The following TNFSF13B variants were observed in gnomAD, a reference collection of about 807,000 sequenced individuals.
TNFSF13B encodes TNF superfamily member 13b.
In TNFSF13B, 8 loss-of-function variants were observed where a neutral mutation model predicts 29.1. That is an observed-to-expected ratio of 0.27 (90% CI 0.16 to 0.50). The LOEUF (loss-of-function observed/expected upper bound fraction) is 0.50, where lower values mean the gene tolerates loss of function less well. TNFSF13B is among the 20% of genes least tolerant of loss of function. The probability of loss-of-function intolerance (pLI) is 0.98; values close to 1 mark genes in which losing one functional copy is unlikely to be tolerated. For synonymous variants in TNFSF13B, 125 were observed against 130.8 expected, an observed-to-expected ratio of 0.96 and a Z score of 0.30; for missense variants, 248 against 334.9, an observed-to-expected ratio of 0.74 and a Z score of 2.03.
chr13:108,286,966 A>G lies in TNFSF13B; in HGVS notation c.481+107A>G, dbSNP rs547672147. 5.3e-4 allele frequency: 332 copies of G among 623,164 alleles called. 5 individuals are homozygous for G. Among genetic ancestry groups the G allele is most frequent in the South Asian group, 3.1e-3 (158 of 51,286 alleles). 38.6% of individuals were successfully genotyped at this position (623,164 alleles called of 1,614,324 possible). ...CGCTATGGAATACTATGCAGCCATA[A>G]AAAATGATGAGTTCATGTCCTTTGT... On this transcript the variant is annotated intron_variant, in intron 3 of 5. Transcript: ENST00000375887.
At chr13:108,301,575 T>C (rs543054064) in intron 3 of TNFSF13B, among the ~76,000 whole-genome samples, 1 of 152,282 alleles carries the variant, frequency 6.6e-6, no homozygotes, top group East Asian at 1.9e-4. Context: ...GACATATATG[T>C]GGAATCTAAA....
chr13:108,270,509 C>G, intron 2 of TNFSF13B, 85 bp downstream of exon 2: 1 of 1,238,936 alleles, frequency 8.1e-7, no homozygotes, highest in Non-Finnish European at 1.2e-6. Flanking sequence ...AGTATCCCCT[C>G]TATGAACCTA....
intron 3 of TNFSF13B, among the ~76,000 whole-genome samples, chr13:108,301,822 A>G (rs951826290): frequency 2.0e-5 from 3 of 152,224 alleles, no homozygotes; most frequent in Admixed American, 1.3e-4. Context: ...TGTACGAGGT[A>G]ACATATATTT....
chr13:108,274,881 A>G (rs1348491219), intron 2 of TNFSF13B, among the ~76,000 whole-genome samples: 3 of 152,216 alleles, frequency 2.0e-5, no homozygotes, highest in African/African-American at 4.8e-5. Context: ...AGGGAGGGGA[A>G]TTACCATCAG....
Position 108,286,788 on chromosome 13 carries a change from AT to A in TNFSF13B, c.425-10del. 6.5e-7 allele frequency: 1 copy of A among 1,542,136 alleles called. No individual in the cohort carries two copies. Among genetic ancestry groups the A allele is most frequent in the Non-Finnish European group, 8.8e-7 (1 of 1,135,812 alleles). On this transcript the variant is annotated splice_polypyrimidine_tract_variant and intron_variant, in intron 2 of 5. Transcript: ENST00000375887. ...TCTACTCAAGTAACTAAAATGATAAATTTTTGCTTTTTAGTCACTCAAGACT... is the reference window on the plus strand; with the variant it reads ...TCTACTCAAGTAACTAAAATGATAAATTTTGCTTTTTAGTCACTCAAGACT...
intron 3 of TNFSF13B, among the ~76,000 whole-genome samples, chr13:108,287,088 G>A: frequency 7.0e-6 from 1 of 142,544 alleles, no homozygotes; most frequent in Non-Finnish European, 1.5e-5. Flanking sequence ...CATGGATACA[G>A]GAAGGGGAAC....
intron 2 of TNFSF13B, among the ~76,000 whole-genome samples, chr13:108,272,700 T>C (rs1261245430): frequency 1.3e-5 from 2 of 152,104 alleles, no homozygotes; most frequent in East Asian, 1.9e-4. Flanking sequence ...TTTAATTGAT[T>C]ATTCTATTTA....
At chr13:108,296,617 G>A (rs896562941) in intron 3 of TNFSF13B, among the ~76,000 whole-genome samples, 5 of 145,692 alleles carry the variant, frequency 3.4e-5, no homozygotes, top group African/African-American at 1.3e-4. Flanking sequence ...TATATTTAAA[G>A]TGATTACTGA....
At chr13:108,302,599 T>C (rs536778664) in intron 3 of TNFSF13B, among the ~76,000 whole-genome samples, 1 of 152,180 alleles carries the variant, frequency 6.6e-6, no homozygotes, top group African/African-American at 2.4e-5. Context: ...ATCTCACCCT[T>C]GAGCACAGTG....
At chr13:108,306,726 G>A (rs1881784823) in intron 5 of TNFSF13B, 100 bp from the exon 6 acceptor site, 3 of 632,204 alleles carry the variant, frequency 4.7e-6, no homozygotes, top group South Asian at 4.0e-5. Flanking sequence ...GAATGCCTAT[G>A]TTAACATTTT....
intron 3 of TNFSF13B, chr13:108,302,955 T>C: frequency 2.8e-6 from 2 of 711,456 alleles, no homozygotes; most frequent in South Asian, 1.1e-4. Context: ...CAGATCAGCC[T>C]TTATTATGAA....
At chr13:108,300,462 C>A (rs1277891563) in intron 3 of TNFSF13B, among the ~76,000 whole-genome samples, 1 of 152,108 alleles carries the variant, frequency 6.6e-6, no homozygotes, top group Non-Finnish European at 1.5e-5. Flanking sequence ...ACTATGAAAG[C>A]AACTGCCTTG....
chr13:108,305,977 G>C (rs1389406377), intron 5 of TNFSF13B, among the ~76,000 whole-genome samples: 1 of 152,112 alleles, frequency 6.6e-6, no homozygotes, highest in African/African-American at 2.4e-5. Context: ...TGACAATTCA[G>C]ATGACAGTTT....
At chr13:108,281,342 C>T (rs932328926) in intron 2 of TNFSF13B, among the ~76,000 whole-genome samples, 2 of 152,164 alleles carry the variant, frequency 1.3e-5, no homozygotes, top group African/African-American at 4.8e-5. Flanking sequence ...CTTTCCAACA[C>T]CCGCTTCCAA....
intron 2 of TNFSF13B, among the ~76,000 whole-genome samples, chr13:108,271,250 G>A (rs1236081187): frequency 6.6e-6 from 1 of 152,014 alleles, no homozygotes; most frequent in Non-Finnish European, 1.5e-5. Flanking sequence ...TATATTGAAA[G>A]AATATTTTTT....
Position 108,270,141 on chromosome 13 carries a change from G to A in TNFSF13B, c.246G>A (p.Glu82=). The A allele has an allele frequency of 6.2e-7, 1 of 1,602,246 alleles. No individual in the cohort carries two copies. Among genetic ancestry groups the A allele is most frequent in the Non-Finnish European group, 8.5e-7 (1 of 1,179,882 alleles). The change falls in exon 1 of 6, where the codon GAG becomes GAA. Residue 82 remains glutamate, a synonymous_variant. Transcript: ENST00000375887. ...GGGACCTGGCCAGCCTCCGGGCAGAGCTGCAGGGCCACCACGCGGAGAAGC... is the reference window on the plus strand; with the variant it reads ...GGGACCTGGCCAGCCTCCGGGCAGAACTGCAGGGCCACCACGCGGAGAAGC... The part of the protein sequence containing the change: ...LQGDLASLRA[E]LQGHHAEKLP...
At chr13:108,281,581 C>A (rs959739438) in intron 2 of TNFSF13B, among the ~76,000 whole-genome samples, 1 of 152,166 alleles carries the variant, frequency 6.6e-6, no homozygotes, top group African/African-American at 2.4e-5. Flanking sequence ...CAGGAGCTCG[C>A]TTCACACACA....
intron 2 of TNFSF13B, among the ~76,000 whole-genome samples, chr13:108,286,335 C>A (rs1428023255): frequency 6.6e-6 from 1 of 151,802 alleles, no homozygotes; most frequent in African/African-American, 2.4e-5. Context: ...GCACTTAAAT[C>A]TGTTCAATAC....
Position 108,270,130 on chromosome 13 carries a change from C to A in TNFSF13B, c.235C>A (p.Leu79Ile). The change falls in exon 1 of 6, where the codon CTC becomes ATC. Residue 79 changes from leucine (L) to isoleucine (I), a missense_variant. Physicochemically the swap from Leu to Ile is conservative, Grantham distance 5. Coordinates refer to ENST00000375887, the MANE Select transcript of TNFSF13B (RefSeq NM_006573.5). ...VAALQGDLASLRAELQGHHAE... is the reference protein window; with the variant it reads ...VAALQGDLASIRAELQGHHAE... ...CGCCCTGCAAGGGGACCTGGCCAGCCTCCGGGCAGAGCTGCAGGGCCACCA... is the reference window on the plus strand; with the variant it reads ...CGCCCTGCAAGGGGACCTGGCCAGCATCCGGGCAGAGCTGCAGGGCCACCA... 1 of 1,602,468 alleles carries A rather than the reference C, an allele frequency of 6.2e-7. No individual in the cohort carries two copies.
Sources: gnomAD v4.1 joint callset for allele counts (sites outside exome capture counted in the v4.1 genomes callset) on GRCh38, gnomAD v4.1.1 for gene constraint, MANE v1.5 for transcripts, NCBI Gene and HGNC (gene_info 2026-07-23, HGNC 2026-07-21) for gene names.